DNAH3: variants seen among roughly 807,000 people sequenced by gnomAD.
DNAH3 encodes axonemal beta dynein heavy chain 3.
In DNAH3, 332 loss-of-function variants were observed where a neutral mutation model predicts 432.5. That is an observed-to-expected ratio of 0.77 (90% CI 0.70 to 0.84). The LOEUF is 0.84. DNAH3 is among the 40% of genes least tolerant of loss of function. The pLI, the probability that DNAH3 is intolerant of heterozygous loss-of-function variation, is 0.00. For missense variants in DNAH3, 4,861 were observed against 5,114.0 expected, an observed-to-expected ratio of 0.95 and a Z score of 1.51; for synonymous variants, 1,956 against 1,900.2, an observed-to-expected ratio of 1.03 and a Z score of -0.76.
chr16:20,975,295 G>A (rs373636542), exon 51 of DNAH3: 1 of 1,614,112 alleles, frequency 6.2e-7, no homozygotes, highest in Non-Finnish European at 8.5e-7. Flanking sequence ...TGCACCAGAA[G>A]TTTCTTTCCA....
At chr16:21,059,156 T>C (rs972108237) in intron 26 of DNAH3, among the ~76,000 whole-genome samples, 8 of 152,236 alleles carry the variant, frequency 5.3e-5, no homozygotes, top group Admixed American at 1.3e-4. Context: ...ACCTTAAATA[T>C]ATGCAATAAA....
At chr16:21,000,857 A>C (rs569922419) in intron 42 of DNAH3, among the ~76,000 whole-genome samples, 1 of 152,342 alleles carries the variant, frequency 6.6e-6, no homozygotes, top group South Asian at 2.1e-4. Context: ...GGATTTGAAT[A>C]CCAGCTTGTC....
In DNAH3 at chr16:21,150,342, A is replaced by AT. The variant is rs569039727; in HGVS notation, c.118-4255dup. 2.1e-4 allele frequency: 97 copies of AT among 453,562 alleles called. 2 individuals are homozygous for AT. Among genetic ancestry groups the AT allele is most frequent in the South Asian group, 1.4e-3 (88 of 63,844 alleles). 28.1% of individuals were successfully genotyped at this position (453,562 alleles called of 1,614,324 possible). On this transcript the variant is annotated intron_variant, in intron 1 of 61. Transcript: ENST00000261383. Reference sequence around the variant, plus strand: ...CATGGTGTCCACTCTAATTGTAGCTATTTTTTTAAAATGAATAAAGAGCTT... The same window carrying AT: ...CATGGTGTCCACTCTAATTGTAGCTATTTTTTTTAAAATGAATAAAGAGCTT...
At chr16:21,066,060 C>T (rs1043916419) in intron 24 of DNAH3, among the ~76,000 whole-genome samples, 5 of 151,846 alleles carry the variant, frequency 3.3e-5, no homozygotes, top group African/African-American at 1.2e-4. Context: ...CTCCTGACCT[C>T]GGGTGATCCG....
intron 16 of DNAH3, among the ~76,000 whole-genome samples, chr16:21,101,980 A>C (rs888050118): frequency 1.6e-4 from 24 of 152,238 alleles, no homozygotes; most frequent in African/African-American, 5.8e-4. Flanking sequence ...ATTAATGTGG[A>C]CTGGGAAAAT....
chr16:20,946,047 G>C (rs1162699241), intron 57 of DNAH3, among the ~76,000 whole-genome samples: 1 of 152,144 alleles, frequency 6.6e-6, no homozygotes, highest in African/African-American at 2.4e-5. Flanking sequence ...CTTCCTCCTT[G>C]TCCGGGGCAC....
At chr16:21,085,519 T>G (rs1333871147) in intron 19 of DNAH3, among the ~76,000 whole-genome samples, 1 of 123,120 alleles carries the variant, frequency 8.1e-6, no homozygotes, top group Non-Finnish European at 1.6e-5. Flanking sequence ...CACAGTGAGA[T>G]TCCACCTCAA....
At chr16:20,958,917 G>A (rs1160839955) in intron 54 of DNAH3, among the ~76,000 whole-genome samples, 3 of 152,060 alleles carry the variant, frequency 2.0e-5, no homozygotes, top group African/African-American at 2.4e-5. Context: ...ACAGGTGTGC[G>A]CCACTATGCC....
chr16:21,009,047 A>T (rs976888893), intron 41 of DNAH3, among the ~76,000 whole-genome samples: 2 of 152,252 alleles, frequency 1.3e-5, no homozygotes, highest in Non-Finnish European at 2.9e-5. Flanking sequence ...CAGAGCGACG[A>T]GAATGTTCTC....
chr16:21,053,509 G>A (rs2090028760), intron 28 of DNAH3, among the ~76,000 whole-genome samples: 1 of 152,160 alleles, frequency 6.6e-6, no homozygotes, highest in Non-Finnish European at 1.5e-5. Flanking sequence ...GCTTGTGTTT[G>A]TGAACCCAAC....
intron 41 of DNAH3, among the ~76,000 whole-genome samples, chr16:21,006,979 G>A (rs540837742): frequency 1.3e-5 from 2 of 152,244 alleles, no homozygotes; most frequent in East Asian, 3.9e-4. Context: ...AACTTTGGAG[G>A]AAGTGTCACA....
chr16:21,153,067 T>C (rs1360613015), intron 1 of DNAH3, among the ~76,000 whole-genome samples: 2 of 152,232 alleles, frequency 1.3e-5, no homozygotes, highest in Non-Finnish European at 2.9e-5. Flanking sequence ...CTCCTGAGTC[T>C]GATGGGGACG....
chr16:21,104,398 A>G (rs772481722), intron 16 of DNAH3, 73 bp downstream of exon 16: 3 of 1,374,948 alleles, frequency 2.2e-6, no homozygotes, highest in South Asian at 1.2e-5. Flanking sequence ...TGGCTTAGAC[A>G]GAACCAGGAA....
chr16:21,111,920 A>G, intron 13 of DNAH3, 73 bp downstream of exon 13: 1 of 1,551,106 alleles, frequency 6.4e-7, no homozygotes, highest in East Asian at 2.3e-5. Context: ...TGCACCAAAG[A>G]GACACTAACT....
intron 9 of DNAH3, among the ~76,000 whole-genome samples, chr16:21,122,662 G>A (rs1335349461): frequency 2.6e-5 from 4 of 152,126 alleles, no homozygotes; most frequent in Non-Finnish European, 4.4e-5. Flanking sequence ...ATGCGGCTTG[G>A]TAATTCCTGC....
At chr16:21,106,090 G>A (rs1228077653) in intron 15 of DNAH3, among the ~76,000 whole-genome samples, 1 of 149,318 alleles carries the variant, frequency 6.7e-6, no homozygotes, top group African/African-American at 2.5e-5. Flanking sequence ...TGAGGCAGGA[G>A]AATTGCTTGA....
rs556366327 is a variant in DNAH3, at chr16:21,012,933, C to T, written c.6022+6691G>A. Among the ~76,000 whole-genome samples, 14 of 151,874 alleles carry T rather than the reference C, an allele frequency of 9.2e-5. No homozygotes were observed. In the South Asian group the frequency reaches 2.3e-3, roughly 25 times the overall value. ...AGCGCTACCACACCCAGCTAATTTT[C>T]GTTTTTTGTTTTTGTAAAGACGGGA... On this transcript the variant is annotated intron_variant, in intron 41 of 61. Transcript: ENST00000261383.
In DNAH3 at chr16:20,979,605, C is replaced by G. The variant is rs374797458; in HGVS notation, c.7860-59G>C. ...CAACATCTTCCAGGGAGATCCAGTACAGCTTTAGTTATAGACATGAGGATA... is the reference window on the plus strand; with the variant it reads ...CAACATCTTCCAGGGAGATCCAGTAGAGCTTTAGTTATAGACATGAGGATA... On this transcript the variant is annotated intron_variant, in intron 49 of 61. Coordinates refer to ENST00000261383, the Ensembl canonical transcript of DNAH3. 2.0e-3 allele frequency: 2,956 copies of G among 1,478,896 alleles called. 74 individuals are homozygous for G. In the South Asian group the frequency reaches 0.032, roughly 16 times the overall value. 91.6% of individuals were successfully genotyped at this position (1,478,896 alleles called of 1,614,324 possible). A position where few individuals can be genotyped will look rare whatever the true frequency, so the allele number is the denominator to read the frequency against.
chr16:21,096,702 T>C (rs1304737726), intron 18 of DNAH3, among the ~76,000 whole-genome samples: 1 of 152,174 alleles, frequency 6.6e-6, no homozygotes, highest in Admixed American at 6.6e-5. Context: ...CTGTCACTTC[T>C]CTTTTTCAGT....
Sources: gnomAD v4.1 joint callset for allele counts (sites outside exome capture counted in the v4.1 genomes callset) on GRCh38, gnomAD v4.1.1 for gene constraint, MANE v1.5 for transcripts, NCBI Gene and HGNC (gene_info 2026-07-23, HGNC 2026-07-21) for gene names.